Variants in KIFBP observed in about 807,000 individuals in gnomAD.
The protein encoded by KIFBP is kinesin family binding protein.
KIFBP carries 46 observed loss-of-function variants against 58.9 expected under a neutral mutation model. That is an observed-to-expected ratio of 0.78 (90% CI 0.62 to 1.00). The LOEUF is 1.00. Among genes scored for constraint, KIFBP ranks in the 50% least tolerant of loss-of-function variants. KIFBP has a pLI of 0.00. For missense variants in KIFBP, 651 were observed against 752.9 expected (o/e 0.86, Z 1.58); for synonymous variants, 241 against 283.4 (o/e 0.85, Z 1.50).
chr10:69,006,761 C>T (rs1843541194), intron 4 of KIFBP: 1 of 152,194 alleles, frequency 6.6e-6, no homozygotes, highest in South Asian at 2.1e-4. Context: ...GCTGCCTTAT[C>T]CTTGGGCCTT....
intron 2 of KIFBP, among the ~76,000 whole-genome samples, chr10:69,002,495 A>G (rs1843478744): frequency 6.6e-6 from 1 of 152,070 alleles, no homozygotes; most frequent in Non-Finnish European, 1.5e-5. Context: ...CTGAAGTACT[A>G]ACAAGAGCAG....
intron 6 of KIFBP, among the ~76,000 whole-genome samples, chr10:69,012,579 T>A (rs1364399651): frequency 6.6e-6 from 1 of 152,090 alleles, no homozygotes; most frequent in African/African-American, 2.4e-5. Context: ...TGTATTAGTC[T>A]GTTCTCACAC....
At chr10:68,993,051 G>A (rs956422655) in intron 1 of KIFBP, among the ~76,000 whole-genome samples, 1 of 152,086 alleles carries the variant, frequency 6.6e-6, no homozygotes, top group Non-Finnish European at 1.5e-5. Flanking sequence ...TTGAATTGCT[G>A]TTAAGAAATA....
chr10:69,004,364 T>C (rs1484765876), intron 2 of KIFBP, among the ~76,000 whole-genome samples: 1 of 150,894 alleles, frequency 6.6e-6, no homozygotes, highest in Non-Finnish European at 1.5e-5. Flanking sequence ...AAGACCCCCA[T>C]CTCTAAATAA....
chr10:68,995,110 C>T (rs2132107812), intron 1 of KIFBP: 1 of 152,148 alleles, frequency 6.6e-6, no homozygotes, highest in African/African-American at 2.4e-5. Flanking sequence ...CCTCTGCTTT[C>T]TGGGCTCAAG....
chr10:68,998,669 A>G (rs1843431373), intron 1 of KIFBP, among the ~76,000 whole-genome samples: 1 of 150,858 alleles, frequency 6.6e-6, no homozygotes, highest in African/African-American at 2.4e-5. Context: ...CAGCCTCAGA[A>G]GTATCCTTGT....
Position 68,989,063 on chromosome 10 carries a change from G to C in KIFBP, c.231G>C (p.Pro77=), listed in dbSNP as rs781761858. Residue 77 remains proline (P), a synonymous_variant, in exon 1 of 7, where the codon CCG becomes CCC. Coordinates refer to ENST00000361983, the MANE Select transcript of KIFBP (RefSeq NM_015634.4). The part of the protein sequence containing the change: ...PGAGDHALGL[P]AEVVEPEGPV... ...CCGGTGACCACGCCCTGGGGCTGCC[G>C]GCTGAGGTGGTGGAGCCCGAGGGGC... 1.2e-6 allele frequency: 2 copies of C among 1,612,378 alleles called. No individual in the cohort carries two copies. The highest frequency in any genetic ancestry group is 2.7e-5 in the African/African-American group (2 of 74,908).
chr10:68,998,771 A>ATATATATATTT (rs1357079794), intron 1 of KIFBP, among the ~76,000 whole-genome samples: 19 of 99,862 alleles, frequency 1.9e-4, no homozygotes, highest in East Asian at 7.8e-4. Flanking sequence ...ATATATATAT[A>ATATATATATTT]TTTTTTTTTT....
intron 2 of KIFBP, among the ~76,000 whole-genome samples, chr10:69,001,667 G>A (rs1237870984): frequency 2.0e-5 from 3 of 151,702 alleles, no homozygotes; most frequent in Non-Finnish European, 2.9e-5. Flanking sequence ...CAGGAGAATC[G>A]TTTGAACCTG....
intron 4 of KIFBP, 118 bp downstream of exon 4, chr10:69,006,033 A>G: frequency 2.1e-6 from 2 of 966,926 alleles, no homozygotes; most frequent in South Asian, 3.3e-5. Context: ...TATGATGTAC[A>G]ACTGAAGCCG....
At chr10:69,015,296 C>T (rs997030679) in intron 6 of KIFBP, 7 of 444,512 alleles carry the variant, frequency 1.6e-5, no homozygotes, top group Non-Finnish European at 2.8e-5. Context: ...TTCAGTTCCT[C>T]AGAATAAATG....
At chr10:68,994,314 C>T (rs541875294) in intron 1 of KIFBP, among the ~76,000 whole-genome samples, 27 of 151,954 alleles carry the variant, frequency 1.8e-4, no homozygotes, top group African/African-American at 6.0e-4. Context: ...TATACAAATA[C>T]GTATGTATGT....
chr10:68,990,311 C>T (rs562589539), intron 1 of KIFBP, among the ~76,000 whole-genome samples: 3 of 152,200 alleles, frequency 2.0e-5, no homozygotes, highest in Non-Finnish European at 4.4e-5. Flanking sequence ...GGGAGGATGG[C>T]GTGAGGTCAG....
At chr10:69,002,465 T>A (rs1843478423) in intron 2 of KIFBP, among the ~76,000 whole-genome samples, 1 of 151,846 alleles carries the variant, frequency 6.6e-6, no homozygotes, top group Non-Finnish European at 1.5e-5. Flanking sequence ...GCCTCGTACC[T>A]TGGCATTTTA....
Position 69,016,001 on chromosome 10 carries a change from T to C in KIFBP, c.1451T>C (p.Met484Thr). 2 of 1,614,120 alleles carry C rather than the reference T, an allele frequency of 1.2e-6. No homozygotes were observed. The highest frequency in any genetic ancestry group is 1.7e-6 in the Non-Finnish European group (2 of 1,180,006). ...QFEIAHAYYD[M>T]MDLKVAIADR... is the part of the protein sequence containing the mutation. Reference sequence around the variant, plus strand: ...GAAATTGCACATGCTTACTATGATATGATGGATTTGAAGGTTGCCATTGCT... The same window carrying C: ...GAAATTGCACATGCTTACTATGATACGATGGATTTGAAGGTTGCCATTGCT... The change falls in exon 7 of 7, where the codon ATG (methionine) becomes ACG (threonine). Residue 484 changes from methionine to threonine, a missense_variant. Transcript: ENST00000361983.
intron 6 of KIFBP, among the ~76,000 whole-genome samples, chr10:69,013,004 A>C (rs1843610590): frequency 6.6e-6 from 1 of 152,082 alleles, no homozygotes; most frequent in Non-Finnish European, 1.5e-5. Context: ...CGGAAGGCGA[A>C]AGAGAAGCAA....
Position 68,989,164 on chromosome 10 carries a change from T to C in KIFBP, c.332T>C (p.Leu111Pro). 6.2e-7 allele frequency: 1 copy of C among 1,613,604 alleles called. No homozygotes were observed. Reference sequence around the variant, plus strand: ...GTGAACCACATCGACACGGAGGAGCTGTCGGCGGGGGAGGAGCACCTGGTG... The same window carrying C: ...GTGAACCACATCGACACGGAGGAGCCGTCGGCGGGGGAGGAGCACCTGGTG... ...LGVNHIDTEE[L>P]SAGEEHLVKC... Residue 111 changes from leucine (L) to proline (P), a missense_variant, in exon 1 of 7, where the codon CTG becomes CCG. Coordinates refer to ENST00000361983, the MANE Select transcript of KIFBP (RefSeq NM_015634.4).
In KIFBP at chr10:69,016,884, A is replaced by T. The variant is rs1378948075; in HGVS notation, c.*468A>T. 6.4e-6 allele frequency: 1 copy of T among 155,552 alleles called. No individual in the cohort carries two copies. Among genetic ancestry groups the T allele is most frequent in the East Asian group, 1.9e-4 (1 of 5,310 alleles). The allele number at this position is 155,552 out of a possible 1,614,324, so 9.6% of individuals were successfully genotyped here. On this transcript the variant is annotated 3_prime_UTR_variant, in exon 7 of 7. Transcript: ENST00000361983. ...TTCCCTTTTGAAAATACTAAAAACT[A>T]AGTTATGTTATTATAAAGTGTAAAA...
intron 2 of KIFBP, among the ~76,000 whole-genome samples, chr10:69,003,949 G>A (rs1395523936): frequency 1.3e-5 from 2 of 152,042 alleles, no homozygotes; most frequent in African/African-American, 2.4e-5. Flanking sequence ...GGTCGGGCAC[G>A]GTGGCTTACA....
Sources: gnomAD v4.1 joint callset for allele counts (sites outside exome capture counted in the v4.1 genomes callset) on GRCh38, gnomAD v4.1.1 for gene constraint, MANE v1.5 for transcripts, NCBI Gene and HGNC (gene_info 2026-07-23, HGNC 2026-07-21) for gene names.